The following GAREM1 variants were observed in gnomAD, a reference collection of about 807,000 sequenced individuals.
The protein encoded by GAREM1 is GRB2-associated and regulator of MAPK protein 1.
In GAREM1, 26 loss-of-function variants were observed where a neutral mutation model predicts 71.3. The observed-to-expected ratio is 0.36, with a 90% CI of 0.27 to 0.51. The LOEUF (loss-of-function observed/expected upper bound fraction) is 0.51. GAREM1 is among the 20% of genes least tolerant of loss of function. The pLI is 0.95. For synonymous variants in GAREM1, 440 were observed against 433.2 expected (o/e 1.02, Z -0.20); for missense variants, 1,026 against 1,103.1 (o/e 0.93, Z 0.99).
At chr18:32,358,622 A>G (rs1006247163) in intron 2 of GAREM1, among the ~76,000 whole-genome samples, 1 of 152,218 alleles carries the variant, frequency 6.6e-6, no homozygotes, top group African/African-American at 2.4e-5. Context: ...AAAAGGACAC[A>G]GAATTAACCC....
chr18:32,265,547 T>C lies in GAREM1; in HGVS notation c.*2324A>G, dbSNP rs1353126232. ...CTGTGTCTTTTACTCAGCACTGTAG[T>C]GATACTAGACTGTAGCATAAGTGAA... is the stretch of plus-strand genomic sequence containing the variant. On this transcript the variant is annotated 3_prime_UTR_variant, in exon 6 of 6. Coordinates refer to ENST00000269209, the MANE Select transcript of GAREM1 (RefSeq NM_001242409.2). 6.6e-6 allele frequency: 1 copy of C among 152,212 alleles called. No individual in the cohort carries two copies. The highest frequency in any genetic ancestry group is 1.5e-5 in the Non-Finnish European group (1 of 68,036). The allele number at this position is 152,212 out of a possible 1,614,324, so 9.4% of individuals were successfully genotyped here. A position where few individuals can be genotyped will look rare whatever the true frequency, so the allele number is the denominator to read the frequency against.
In GAREM1 at chr18:32,281,858, G is replaced by GTT. The variant is rs569059377; in HGVS notation, c.1566+5172_1566+5173insAA. Among the ~76,000 whole-genome samples the GTT allele has an allele frequency of 1.2e-3, 186 of 152,278 alleles. 1 individual carries two copies. In the Middle Eastern group the frequency reaches 0.014, roughly 11 times the overall value. ...GCCCAGATGGCCTGAAGTAACCGAAGAATCACAAAAGAAGTGAATATGCCC... is the reference window on the plus strand; with the variant it reads ...GCCCAGATGGCCTGAAGTAACCGAAGTTAATCACAAAAGAAGTGAATATGCCC... On this transcript the variant is annotated intron_variant, in intron 4 of 5. Coordinates refer to ENST00000269209, the MANE Select transcript of GAREM1 (RefSeq NM_001242409.2).
Position 32,287,120 on chromosome 18 carries a change from G to A in GAREM1, c.1477C>T (p.Pro493Ser), listed in dbSNP as rs1445697981. 6.2e-7 allele frequency: 1 copy of A among 1,614,226 alleles called. No homozygotes were observed. The highest frequency in any genetic ancestry group is 1.3e-5 in the African/African-American group (1 of 75,072). ...GSVRSKCATS[P>S]LPIPGTLGAA... ...CCCAGAGTCCCAGGGATGGGAAGAGGAGAAGTCGCACATTTGGATCGGACA... is the reference window on the plus strand; with the variant it reads ...CCCAGAGTCCCAGGGATGGGAAGAGAAGAAGTCGCACATTTGGATCGGACA... The change falls in exon 4 of 6, where the codon CCT becomes TCT. Residue 493 changes from proline (P) to serine (S), a missense_variant. Physicochemically the swap from Pro to Ser is moderately conservative, Grantham distance 74. Transcript: ENST00000269209. The surrounding 1 kb of genome is among the most constrained non-coding windows in gnomAD (Gnocchi z 5.9).
intron 1 of GAREM1, among the ~76,000 whole-genome samples, chr18:32,467,892 T>G (rs2049013356): frequency 6.6e-6 from 1 of 151,994 alleles, no homozygotes; most frequent in African/African-American, 2.4e-5. Flanking sequence ...CAGCATGTCC[T>G]CAACCTGTCC....
intron 3 of GAREM1, among the ~76,000 whole-genome samples, chr18:32,302,669 T>C (rs2047212418): frequency 6.6e-6 from 1 of 152,114 alleles, no homozygotes; most frequent in African/African-American, 2.4e-5. Flanking sequence ...ATCAAACTCA[T>C]GGATACAGAG....
intron 2 of GAREM1, among the ~76,000 whole-genome samples, chr18:32,369,269 C>T (rs759718226): frequency 1.7e-4 from 26 of 152,292 alleles, no homozygotes; most frequent in Non-Finnish European, 2.9e-4. Context: ...TACTTCATGT[C>T]GGCATATGTC....
At chr18:32,380,230 C>G (rs562501508) in intron 2 of GAREM1, among the ~76,000 whole-genome samples, 2 of 152,202 alleles carry the variant, frequency 1.3e-5, no homozygotes, top group South Asian at 4.1e-4. Context: ...AATCCTAGCA[C>G]TTTGGGAGGC....
intron 4 of GAREM1, among the ~76,000 whole-genome samples, chr18:32,284,557 A>C (rs927754003): frequency 1.3e-5 from 2 of 152,192 alleles, no homozygotes; most frequent in Non-Finnish European, 2.9e-5. Flanking sequence ...ACCATCTCAG[A>C]TGAGTCTGTA....
At chr18:32,384,494 T>C (rs1278848668) in intron 2 of GAREM1, among the ~76,000 whole-genome samples, 1 of 152,128 alleles carries the variant, frequency 6.6e-6, no homozygotes, top group East Asian at 1.9e-4. Context: ...CCCAAACACA[T>C]GGAAAATTCG....
At chr18:32,400,988 G>T (rs1037610021) in intron 1 of GAREM1, among the ~76,000 whole-genome samples, 2 of 152,128 alleles carry the variant, frequency 1.3e-5, no homozygotes, top group Non-Finnish European at 2.9e-5. Flanking sequence ...GGAATACTAT[G>T]CAGCCAGAAA....
chr18:32,366,278 C>T (rs2047927808), intron 2 of GAREM1, among the ~76,000 whole-genome samples: 2 of 152,130 alleles, frequency 1.3e-5, no homozygotes, highest in Admixed American at 1.3e-4. Context: ...TACTTATTAC[C>T]TTACATTGTA....
At chr18:32,408,312 G>A (rs1036349875) in intron 1 of GAREM1, among the ~76,000 whole-genome samples, 2 of 152,040 alleles carry the variant, frequency 1.3e-5, no homozygotes, top group Non-Finnish European at 2.9e-5. Flanking sequence ...CAAAAAAGAG[G>A]TATTTGTTAA....
At chr18:32,322,128 C>T (rs2047434738) in intron 2 of GAREM1, among the ~76,000 whole-genome samples, 1 of 152,122 alleles carries the variant, frequency 6.6e-6, no homozygotes, top group African/African-American at 2.4e-5. Flanking sequence ...AGGAAGCCAA[C>T]AGAGAAAAAA....
chr18:32,275,014 G>T (rs963698517), intron 4 of GAREM1, among the ~76,000 whole-genome samples: 1 of 151,474 alleles, frequency 6.6e-6, no homozygotes, highest in Non-Finnish European at 1.5e-5. Flanking sequence ...TCTTTTATAT[G>T]TTTATGTGGA....
intron 3 of GAREM1, among the ~76,000 whole-genome samples, chr18:32,294,256 CAT>C (rs982405726): frequency 1.3e-5 from 2 of 152,168 alleles, no homozygotes; most frequent in Non-Finnish European, 2.9e-5. Flanking sequence ...TTCACCCTCA[CAT>C]GATTCAGAAA....
chr18:32,453,679 C>T (rs903976812), intron 1 of GAREM1, among the ~76,000 whole-genome samples: 2 of 152,172 alleles, frequency 1.3e-5, no homozygotes, highest in African/African-American at 4.8e-5. Flanking sequence ...CCTCTTAAGA[C>T]TGTTAATTAC....
chr18:32,329,210 C>G (rs1333929824), intron 2 of GAREM1, among the ~76,000 whole-genome samples: 1 of 151,954 alleles, frequency 6.6e-6, no homozygotes, highest in African/African-American at 2.4e-5. Context: ...ACCTCAACAG[C>G]AACAACATCA....
intron 2 of GAREM1, among the ~76,000 whole-genome samples, chr18:32,364,028 G>GGTTTT (rs2047903236): frequency 4.6e-5 from 1 of 21,674 alleles, no homozygotes; most frequent in Non-Finnish European, 8.0e-5. Context: ...ATATATATAT[G>GGTTTT]TTTTTTTTTT....
At chr18:32,317,694 CT>C (rs79726159) in intron 2 of GAREM1, among the ~76,000 whole-genome samples, 1,343 of 131,074 alleles carry the variant, frequency 0.01, 7 homozygotes, top group African/African-American at 0.022. Flanking sequence ...TTCGCTGTTG[CT>C]TTTTTTTTTT....
Sources: allele counts gnomAD v4.1 joint callset (sites outside exome capture counted in the v4.1 genomes callset), GRCh38; gene constraint gnomAD v4.1.1; non-coding constraint Gnocchi (gnomAD v3.1); transcripts MANE v1.5; gene names NCBI Gene and HGNC (gene_info 2026-07-23, HGNC 2026-07-21).